CACNA1D: variants seen among roughly 807,000 people sequenced by gnomAD.
The protein encoded by CACNA1D is voltage-dependent L-type calcium channel subunit alpha-1D.
A neutral mutation model predicts 257.1 loss-of-function variants in CACNA1D; 55 were observed. The ratio of observed to expected loss-of-function variants is 0.21; its 90% CI spans 0.17 to 0.27. CACNA1D has a LOEUF of 0.27. Among genes scored for constraint, CACNA1D ranks in the 10% least tolerant of loss-of-function variants. The pLI is 1.00. For synonymous variants in CACNA1D, 980 were observed against 1,014.9 expected (o/e 0.97, Z 0.65); for missense variants, 1,876 against 2,784.0 (o/e 0.67, Z 7.34).
At chr3:53,621,118 A>G (rs919927704) in intron 3 of CACNA1D, among the ~76,000 whole-genome samples, 1 of 152,310 alleles carries the variant, frequency 6.6e-6, no homozygotes, top group East Asian at 1.9e-4. Flanking sequence ...TTTATTACAG[A>G]TGACACCTAT....
chr3:53,574,099 C>G (rs1327998949), intron 3 of CACNA1D, among the ~76,000 whole-genome samples: 1 of 152,192 alleles, frequency 6.6e-6, no homozygotes, highest in African/African-American at 2.4e-5. Context: ...TGAGCCCCAT[C>G]TCAGGGTGCT....
At chr3:53,612,639 A>G (rs2093595545) in intron 3 of CACNA1D, among the ~76,000 whole-genome samples, 2 of 152,116 alleles carry the variant, frequency 1.3e-5, no homozygotes, top group African/African-American at 4.8e-5. Context: ...AGATTTCTGG[A>G]TTCTTTGCCC....
intron 40 of CACNA1D, chr3:53,791,260 G>C: frequency 1.9e-6 from 1 of 529,292 alleles, no homozygotes; most frequent in Non-Finnish European, 3.4e-6. Flanking sequence ...GTTCTTTTTC[G>C]TGAAAGGGAA....
At chr3:53,615,882 C>T (rs1248926816) in intron 3 of CACNA1D, among the ~76,000 whole-genome samples, 1 of 152,200 alleles carries the variant, frequency 6.6e-6, no homozygotes, top group Non-Finnish European at 1.5e-5. Flanking sequence ...CTTGGCAGTT[C>T]TTTTTTGACA....
chr3:53,588,029 A>G (rs1419221792), intron 3 of CACNA1D, among the ~76,000 whole-genome samples: 1 of 152,176 alleles, frequency 6.6e-6, no homozygotes, highest in Non-Finnish European at 1.5e-5. Context: ...TAATTCTGAA[A>G]TACACTCATA....
chr3:53,505,115 G>GTTTTTTTTT (rs35938386), intron 3 of CACNA1D, among the ~76,000 whole-genome samples: 382 of 97,420 alleles, frequency 3.9e-3, no homozygotes, highest in Middle Eastern at 7.8e-3. Context: ...TTGTTTATTT[G>GTTTTTTTTT]TTTTTTTTTT....
intron 3 of CACNA1D, among the ~76,000 whole-genome samples, chr3:53,650,500 G>C (rs2094078480): frequency 6.6e-6 from 1 of 152,258 alleles, no homozygotes; most frequent in African/African-American, 2.4e-5. Flanking sequence ...GTCCTAGGCA[G>C]ACTCATCACA....
At chr3:53,671,307 G>A (rs538580629) in intron 7 of CACNA1D, among the ~76,000 whole-genome samples, 62 of 152,284 alleles carry the variant, frequency 4.1e-4, no homozygotes, top group Admixed American at 8.5e-4. Context: ...CCTGATGGGA[G>A]CCCTGGACCT....
chr3:53,677,518 C>A (rs894273432), intron 8 of CACNA1D, among the ~76,000 whole-genome samples: 10 of 152,234 alleles, frequency 6.6e-5, no homozygotes, highest in African/African-American at 2.4e-4. Flanking sequence ...GGATATCCCC[C>A]ACTCCCCTCA....
intron 21 of CACNA1D, 36 bp from the exon 22 acceptor site, chr3:53,742,975 C>CA (rs745671086): frequency 7.2e-7 from 1 of 1,395,900 alleles, no homozygotes; most frequent in Non-Finnish European, 1.0e-6. Flanking sequence ...CCTTTGGAGA[C>CA]AAAAAATGGT....
intron 40 of CACNA1D, chr3:53,792,316 G>T (rs146379393): frequency 6.6e-6 from 1 of 152,332 alleles, no homozygotes; most frequent in African/African-American, 2.4e-5. Flanking sequence ...CCAAGTGGTG[G>T]TTGGAGTCTG....
chr3:53,565,393 C>T (rs2092816407), intron 3 of CACNA1D, among the ~76,000 whole-genome samples: 1 of 152,104 alleles, frequency 6.6e-6, no homozygotes, highest in Non-Finnish European at 1.5e-5. Context: ...GATGATTTGT[C>T]ATTGCTATTG....
intron 40 of CACNA1D, among the ~76,000 whole-genome samples, chr3:53,787,546 C>CATGAG: frequency 6.6e-6 from 1 of 152,136 alleles, no homozygotes; most frequent in Non-Finnish European, 1.5e-5. Context: ...ATGCCCCAGC[C>CATGAG]AGCCTCTGGT....
Position 53,800,141 on chromosome 3 carries a change from G to A in CACNA1D, c.4924-108G>A. 1 of 829,852 alleles carries A rather than the reference G, an allele frequency of 1.2e-6. No individual in the cohort carries two copies. The highest frequency in any genetic ancestry group is 2.1e-6 in the Non-Finnish European group (1 of 467,580). The allele number at this position is 829,852 out of a possible 1,614,324, so 51.4% of individuals were successfully genotyped here. A position where few individuals can be genotyped will look rare whatever the true frequency, so the allele number is the denominator to read the frequency against. On this transcript the variant is annotated intron_variant, in intron 40 of 47. Transcript: ENST00000350061. The surrounding 1 kb of genome is among the most constrained non-coding windows in gnomAD (Gnocchi z 4.3). ...GTCAGTGCCCTGGATTGGCTTTTGG[G>A]GAAGCCTTCCTCCCCACCGCTGAAT...
Position 53,650,818 on chromosome 3 carries a change from G to A in CACNA1D, c.523G>A (p.Glu175Lys). The A allele has an allele frequency of 6.2e-7, 1 of 1,613,558 alleles. No homozygotes were observed. The highest frequency in any genetic ancestry group is 8.5e-7 in the Non-Finnish European group (1 of 1,179,600). The stretch of plus-strand genomic sequence containing the variant: ...TGCCTTCCTGATTATTTTTACAGTC[G>A]AGACATTTTTGAAGATTATAGCGTA... ...EYAFLIIFTV[E>K]TFLKIIAYGL... The change falls in exon 4 of 48, where the codon GAG becomes AAG. Residue 175 changes from glutamate to lysine, a missense_variant. Glu to Lys is a moderately conservative substitution (Grantham distance 56, BLOSUM62 1). Transcript: ENST00000350061.
At chr3:53,527,221 T>C (rs909452631) in intron 3 of CACNA1D, among the ~76,000 whole-genome samples, 1 of 152,186 alleles carries the variant, frequency 6.6e-6, no homozygotes, top group Non-Finnish European at 1.5e-5. Flanking sequence ...GGCTGGAAGG[T>C]TGCAGGGCAA....
intron 11 of CACNA1D, 116 bp from the exon 12 acceptor site, chr3:53,722,198 A>C (rs1437474833): frequency 2.0e-6 from 2 of 1,000,974 alleles, no homozygotes; most frequent in Non-Finnish European, 3.1e-6. Context: ...TCTTTCCTGC[A>C]CTCCCACCCC....
At chr3:53,672,471 T>A (rs1002322412) in intron 7 of CACNA1D, among the ~76,000 whole-genome samples, 1 of 152,204 alleles carries the variant, frequency 6.6e-6, no homozygotes, top group Admixed American at 6.5e-5. Context: ...TGGTTTCCAG[T>A]AGAAGATTAT....
In CACNA1D at chr3:53,683,969, C is replaced by T. The variant is rs56057777; in HGVS notation, c.1220+10843C>T. Among the ~76,000 whole-genome samples the T allele has an allele frequency of 9.3e-3, 1,410 of 152,290 alleles. 16 individuals are homozygous for T. The highest frequency in any genetic ancestry group is 0.032 in the African/African-American group (1,314 of 41,558). ...AGCAGGGGAAACACAAAGGGAACCACTGCTAAGCACATCAAATTTAGATGG... is the reference window on the plus strand; with the variant it reads ...AGCAGGGGAAACACAAAGGGAACCATTGCTAAGCACATCAAATTTAGATGG... On this transcript the variant is annotated intron_variant, in intron 8 of 47. Transcript: ENST00000350061.
Sources: gnomAD v4.1 joint callset for allele counts (sites outside exome capture counted in the v4.1 genomes callset) on GRCh38, gnomAD v4.1.1 for gene constraint, Gnocchi (gnomAD v3.1) non-coding constraint, MANE v1.5 for transcripts, NCBI Gene and HGNC (gene_info 2026-07-23, HGNC 2026-07-21) for gene names.